The following DGKB variants were observed in gnomAD, a reference collection of about 807,000 sequenced individuals.
DGKB encodes the protein 90 kDa diacylglycerol kinase.
In DGKB, 67 loss-of-function variants were observed where a neutral mutation model predicts 114.3. The ratio of observed to expected loss-of-function variants is 0.59; its 90% CI spans 0.48 to 0.72. The LOEUF is 0.72. DGKB is among the 30% of genes least tolerant of loss of function. The pLI is 0.00. For missense variants in DGKB, 907 were observed against 975.2 expected (o/e 0.93, Z 0.93); for synonymous variants, 398 against 323.1 (o/e 1.23, Z -2.49).
intron 13 of DGKB, among the ~76,000 whole-genome samples, chr7:14,662,087 G>A (rs1356638229): frequency 3.9e-5 from 6 of 152,158 alleles, no homozygotes; most frequent in Non-Finnish European, 8.8e-5. Context: ...GATATCAATG[G>A]GAGATATACC....
At chr7:14,620,991 T>C (rs2128814607) in intron 15 of DGKB, 1 of 152,174 alleles carries the variant, frequency 6.6e-6, no homozygotes, top group Admixed American at 6.6e-5. Flanking sequence ...TCCTAAAGTC[T>C]TTTTTGCTAT....
chr7:14,252,539 T>C (rs559488787), intron 23 of DGKB, among the ~76,000 whole-genome samples: 82 of 152,252 alleles, frequency 5.4e-4, no homozygotes, highest in Non-Finnish European at 1.1e-3. Context: ...GTTAGAATAC[T>C]CCAACAGGCT....
intron 13 of DGKB, among the ~76,000 whole-genome samples, chr7:14,659,434 A>G (rs901032249): frequency 3.7e-4 from 56 of 151,696 alleles, no homozygotes; most frequent in Middle Eastern, 3.4e-3. Flanking sequence ...GTTCTCCTTG[A>G]AGAGGTCCTT....
intron 17 of DGKB, among the ~76,000 whole-genome samples, chr7:14,584,896 G>A (rs532251495): frequency 5.3e-5 from 8 of 152,120 alleles, no homozygotes; most frequent in Admixed American, 3.9e-4. Flanking sequence ...TTGACCTCAG[G>A]TGATCCATTC....
chr7:14,643,652 G>A (rs1430083614), intron 13 of DGKB, among the ~76,000 whole-genome samples: 2 of 152,076 alleles, frequency 1.3e-5, no homozygotes, highest in Admixed American at 6.6e-5. Context: ...CTGCCTCCAG[G>A]ACACAGGTAG....
chr7:14,762,827 G>A (rs1041053648), intron 2 of DGKB, among the ~76,000 whole-genome samples: 1 of 152,068 alleles, frequency 6.6e-6, no homozygotes, highest in Admixed American at 6.6e-5. Flanking sequence ...CCTCTCTATG[G>A]TTCAGTTTTC....
chr7:14,379,698 T>G (rs1819087012), intron 21 of DGKB, among the ~76,000 whole-genome samples: 1 of 152,146 alleles, frequency 6.6e-6, no homozygotes, highest in Non-Finnish European at 1.5e-5. Flanking sequence ...TAGCTGGGAT[T>G]ACAGGCACGT....
At chr7:14,451,278 T>C (rs1463341223) in intron 21 of DGKB, among the ~76,000 whole-genome samples, 2 of 152,026 alleles carry the variant, frequency 1.3e-5, no homozygotes, top group African/African-American at 4.8e-5. Context: ...TCATCTAATG[T>C]GTTGAATGTC....
At chr7:14,697,068 C>G (rs577564375) in intron 8 of DGKB, among the ~76,000 whole-genome samples, 1 of 152,286 alleles carries the variant, frequency 6.6e-6, no homozygotes, top group East Asian at 1.9e-4. Context: ...CTCAATATCT[C>G]TTATCAACTT....
At chr7:14,273,130 A>G (rs1464858680) in intron 23 of DGKB, among the ~76,000 whole-genome samples, 1 of 152,094 alleles carries the variant, frequency 6.6e-6, no homozygotes, top group African/African-American at 2.4e-5. Flanking sequence ...GGATGGCTTG[A>G]GTTCAGGAGT....
chr7:14,216,653 G>A (rs1368442089), intron 23 of DGKB, among the ~76,000 whole-genome samples: 1 of 149,534 alleles, frequency 6.7e-6, no homozygotes, highest in Non-Finnish European at 1.5e-5. Context: ...TTGAACCCGG[G>A]AGGTGGAGGT....
intron 25 of DGKB, among the ~76,000 whole-genome samples, chr7:14,152,474 A>C (rs981549587): frequency 6.6e-6 from 1 of 152,054 alleles, no homozygotes; most frequent in African/African-American, 2.4e-5. Flanking sequence ...ACAACATGCA[A>C]GGTAAATTCT....
chr7:14,865,868 GAAT>G (rs1035263520), intron 1 of DGKB, among the ~76,000 whole-genome samples: 4 of 152,146 alleles, frequency 2.6e-5, no homozygotes, highest in Non-Finnish European at 4.4e-5. Flanking sequence ...GTATGGCTCA[GAAT>G]AACTTGAAAT....
chr7:14,830,300 A>G (rs1846236400), intron 2 of DGKB, among the ~76,000 whole-genome samples: 1 of 152,044 alleles, frequency 6.6e-6, no homozygotes, highest in Admixed American at 6.6e-5. Context: ...GAGTTTGTTC[A>G]TTACAGACTT....
At chr7:14,488,355 A>G (rs754368327) in intron 20 of DGKB, among the ~76,000 whole-genome samples, 3 of 152,186 alleles carry the variant, frequency 2.0e-5, no homozygotes, top group Non-Finnish European at 4.4e-5. Flanking sequence ...AAGCTTCAGA[A>G]ACAAACTTGT....
chr7:14,513,319 G>GTAGA (rs1215218417), intron 20 of DGKB, among the ~76,000 whole-genome samples: 2 of 152,010 alleles, frequency 1.3e-5, no homozygotes, highest in Non-Finnish European at 2.9e-5. Context: ...ATGGGACACA[G>GTAGA]TAGATGGCTG....
chr7:14,549,300 G>C (rs1584743678), intron 20 of DGKB, among the ~76,000 whole-genome samples: 1 of 152,170 alleles, frequency 6.6e-6, no homozygotes, highest in East Asian at 1.9e-4. Flanking sequence ...CATGTGATAG[G>C]GGTACAAGTA....
intron 21 of DGKB, among the ~76,000 whole-genome samples, chr7:14,406,634 A>G (rs886672530): frequency 6.6e-6 from 1 of 152,072 alleles, no homozygotes; most frequent in African/African-American, 2.4e-5. Context: ...GTTCAAGTAG[A>G]CTGACCCACT....
intron 21 of DGKB, among the ~76,000 whole-genome samples, chr7:14,425,510 A>G (rs1421247275): frequency 6.6e-6 from 1 of 152,174 alleles, no homozygotes; most frequent in African/African-American, 2.4e-5. Context: ...TCATAAATTT[A>G]AAAATTTATG....
Sources: allele counts gnomAD v4.1 joint callset (sites outside exome capture counted in the v4.1 genomes callset), GRCh38; gene constraint gnomAD v4.1.1; transcripts MANE v1.5; gene names NCBI Gene and HGNC (gene_info 2026-07-23, HGNC 2026-07-21).